LAMA4: variants seen among roughly 807,000 people sequenced by gnomAD.
The protein encoded by LAMA4 is laminin subunit alpha-4.
LAMA4 carries 127 observed loss-of-function variants against 207.1 expected under a neutral mutation model. The observed-to-expected ratio is 0.61, with a 90% CI of 0.53 to 0.71. LAMA4 has a LOEUF of 0.71. LAMA4 is among the 30% of genes least tolerant of loss of function. The pLI, the probability that LAMA4 is intolerant of heterozygous loss-of-function variation, is 0.00. For synonymous variants in LAMA4, 761 were observed against 816.0 expected, an observed-to-expected ratio of 0.93 and a Z score of 1.15; for missense variants, 2,093 against 2,246.5, an observed-to-expected ratio of 0.93 and a Z score of 1.38.
chr6:112,131,735 ACAAAATGCTTTGGGTAAATTCTCACAAAT>A (rs1779046879), intron 28 of LAMA4, among the ~76,000 whole-genome samples: 1 of 152,100 alleles, frequency 6.6e-6, no homozygotes, highest in Non-Finnish European at 1.5e-5. Flanking sequence ...CAGAAGTTCT[ACAAAATGCTTTGGGTAAATTCTCACAAAT>A]TCTACTGATT....
intron 5 of LAMA4, among the ~76,000 whole-genome samples, chr6:112,199,609 G>A (rs1165545514): frequency 6.6e-6 from 1 of 151,988 alleles, no homozygotes; most frequent in African/African-American, 2.4e-5. Flanking sequence ...AAATTCATGT[G>A]GACCCTAAGC....
chr6:112,165,178 T>A lies in LAMA4; in HGVS notation c.1650A>T (p.Glu550Asp). The change falls in exon 13 of 39, where the codon GAA becomes GAT. Residue 550 changes from glutamate to aspartate, a missense_variant. Physicochemically the swap from Glu to Asp is conservative, Grantham distance 45. Coordinates refer to ENST00000230538, the MANE Select transcript of LAMA4 (RefSeq NM_001105206.3). ...TCCTTACCTTTATTATATCATCAAG[T>A]TCTGAAAGAGTTAGACGAGGTGTTG... Reference protein sequence around the residue: ...SLTTPRLTLSELDDIIKNASG... With the variant: ...SLTTPRLTLSDLDDIIKNASG... 1 of 1,606,642 alleles carries A rather than the reference T, an allele frequency of 6.2e-7. No individual in the cohort carries two copies. The highest frequency in any genetic ancestry group is 8.5e-7 in the Non-Finnish European group (1 of 1,173,174).
In LAMA4 at chr6:112,172,800, C is replaced by G. The variant is rs782575751; in HGVS notation, c.1362G>C (p.Leu454=). ...DEEADEAYEL[L]SQAESWQRLH... is the part of the protein sequence containing the mutation. The stretch of plus-strand genomic sequence containing the variant: ...GCCGCTGCCAGCTCTCAGCCTGGCT[C>G]AGTACTGGGAAGAAATGGAGATAAA... Residue 454 remains leucine (L), a synonymous_variant, in exon 12 of 39, where the codon CTG becomes CTC. Coordinates refer to ENST00000230538, the MANE Select transcript of LAMA4 (RefSeq NM_001105206.3). 3.1e-6 allele frequency: 5 copies of G among 1,613,246 alleles called. No individual in the cohort carries two copies. The highest frequency in any genetic ancestry group is 2.2e-5 in the South Asian group (2 of 91,012).
chr6:112,202,018 T>C (rs1188943261), intron 4 of LAMA4, among the ~76,000 whole-genome samples: 5 of 152,236 alleles, frequency 3.3e-5, no homozygotes, highest in African/African-American at 1.2e-4. Flanking sequence ...TTTATTTCCA[T>C]CACTGTCTAT....
rs70940810 is a variant in LAMA4, at chr6:112,150,539, G to A, written c.2145C>T (p.Ala715=). The A allele has an allele frequency of 3.1e-6, 5 of 1,612,862 alleles. No individual in the cohort carries two copies. Among genetic ancestry groups the A allele is most frequent in the Admixed American group, 3.3e-5 (2 of 59,998 alleles). Residue 715 remains alanine (A), a synonymous_variant, in exon 17 of 39, where the codon GCC becomes GCT. Transcript: ENST00000230538. ...KSALKTRLSD[A]VKQLQAAERG... is the part of the protein sequence containing the mutation. ...TCTCTGCTGCTTGTAGTTGCTTAAC[G>A]GCATCACTGAGTCTGGTTTTAAGGG...
At chr6:112,116,496 A>G (rs1778027004) in intron 35 of LAMA4, among the ~76,000 whole-genome samples, 1 of 152,196 alleles carries the variant, frequency 6.6e-6, no homozygotes, top group Non-Finnish European at 1.5e-5. Flanking sequence ...TTTTACAGTC[A>G]CTGAGCAAGA....
chr6:112,136,306 T>G, intron 24 of LAMA4, 52 bp from the exon 25 acceptor site: 1 of 1,446,746 alleles, frequency 6.9e-7, no homozygotes. Context: ...GCGAGTAGAG[T>G]CAGATTTAGC....
chr6:112,118,246 G>A lies in LAMA4; in HGVS notation c.4822-348C>T, dbSNP rs1778141139. On this transcript the variant is annotated intron_variant, in intron 34 of 38. Transcript: ENST00000230538. This position sits in a 1 kb window ranked among gnomAD's most constrained non-coding sequence, Gnocchi z 4.6. ...TGCCAAGATCACCTAAGGCTGATGA[G>A]GGCTAGCAAAGTTCTTTACTTAAAT... is the stretch of plus-strand genomic sequence containing the variant. Among the ~76,000 whole-genome samples the A allele has an allele frequency of 6.6e-6, 1 of 152,136 alleles. No homozygotes were observed. The highest frequency in any genetic ancestry group is 1.5e-5 in the Non-Finnish European group (1 of 68,014).
At chr6:112,135,102 C>G (rs1391541581) in intron 25 of LAMA4, among the ~76,000 whole-genome samples, 1 of 141,750 alleles carries the variant, frequency 7.1e-6, no homozygotes, top group Non-Finnish European at 1.6e-5. Context: ...CCTTGTGTCC[C>G]TTTGTGGTGT....
intron 2 of LAMA4, among the ~76,000 whole-genome samples, chr6:112,238,117 G>A (rs975705912): frequency 6.6e-6 from 1 of 152,276 alleles, no homozygotes; most frequent in East Asian, 1.9e-4. Context: ...CAACTCAAAT[G>A]CCACCTTGCC....
rs782546003 is a variant in LAMA4, at chr6:112,139,139, A to AT, written c.3262dup (p.Ile1088AsnfsTer25). 6.2e-7 allele frequency: 1 copy of AT among 1,614,192 alleles called. No individual in the cohort carries two copies. On this transcript the variant is annotated frameshift_variant, in exon 24 of 39. Transcript: ENST00000230538. LOFTEE classifies it high-confidence loss of function. ...ACTCACTCCATTGACCATCAGGAGA[A>AT]TAAGGCCGTTGTCAGCTGGTGTTCG...
rs782626859 is a variant in LAMA4 at position 112,195,950 on chromosome 6, C to CACAT, written c.504-4101_504-4100insATGT. On this transcript the variant is annotated intron_variant, in intron 5 of 38. Coordinates refer to ENST00000230538, the MANE Select transcript of LAMA4 (RefSeq NM_001105206.3). ...TAAATGAACTAAGTACACACACACA[C>CACAT]ACACACACACACACACTACACACAC... Among the ~76,000 whole-genome samples, 346 of 141,730 alleles carry CACAT rather than the reference C, an allele frequency of 2.4e-3. 3 individuals carry two copies. The highest frequency in any genetic ancestry group is 4.4e-3 in the Non-Finnish European group (288 of 66,142). The allele number at this position is 141,730 out of a possible 152,430, so 93.0% of individuals were successfully genotyped here. A position where few individuals can be genotyped will look rare whatever the true frequency, so the allele number is the denominator to read the frequency against.
intron 13 of LAMA4, chr6:112,159,259 C>T (rs9481225): frequency 0.013 from 3,129 of 242,488 alleles, 115 homozygotes; most frequent in African/African-American, 0.069. Flanking sequence ...TCTATTTTCT[C>T]TCACTTTATA....
intron 11 of LAMA4, 134 bp downstream of exon 11, chr6:112,175,179 T>C (rs1781947422): frequency 2.0e-5 from 17 of 869,408 alleles, no homozygotes; most frequent in Non-Finnish European, 3.2e-5. Flanking sequence ...TGTGGCCACA[T>C]GTAGATTCTA....
chr6:112,212,110 C>A (rs1401499665), intron 3 of LAMA4, among the ~76,000 whole-genome samples: 1 of 151,922 alleles, frequency 6.6e-6, no homozygotes, highest in Admixed American at 6.6e-5. Flanking sequence ...GGGGGACCAG[C>A]AGAGTAATGC....
intron 2 of LAMA4, among the ~76,000 whole-genome samples, chr6:112,237,854 G>A (rs767441914): frequency 6.6e-6 from 1 of 152,170 alleles, no homozygotes; most frequent in Non-Finnish European, 1.5e-5. Context: ...ACCAATGCAC[G>A]ACATGGGTTA....
At chr6:112,185,860 G>C (rs1008117065) in intron 8 of LAMA4, among the ~76,000 whole-genome samples, 3 of 152,134 alleles carry the variant, frequency 2.0e-5, no homozygotes, top group Admixed American at 2.0e-4. Flanking sequence ...TTGGGAGTGA[G>C]CCCTTCAATC....
At chr6:112,138,650 G>C (rs185308227) in intron 24 of LAMA4, among the ~76,000 whole-genome samples, 12 of 151,664 alleles carry the variant, frequency 7.9e-5, no homozygotes, top group African/African-American at 2.9e-4. Flanking sequence ...TACAAGCTTT[G>C]ACTGTTTCAT....
intron 35 of LAMA4, among the ~76,000 whole-genome samples, chr6:112,116,700 A>T (rs1037108108): frequency 7.2e-5 from 11 of 152,192 alleles, no homozygotes; most frequent in Admixed American, 2.6e-4. Flanking sequence ...CAGGGCATCT[A>T]AATAATGTTC....
Sources: allele counts gnomAD v4.1 joint callset (sites outside exome capture counted in the v4.1 genomes callset), GRCh38; gene constraint gnomAD v4.1.1; non-coding constraint Gnocchi (gnomAD v3.1); transcripts MANE v1.5; gene names NCBI Gene and HGNC (gene_info 2026-07-23, HGNC 2026-07-21).